CD40LG: variants seen among roughly 807,000 people sequenced by gnomAD.
CD40LG encodes CD40 ligand.
CD40LG carries 1 observed loss-of-function variant against 17.2 expected under a neutral mutation model. That is an observed-to-expected ratio of 0.06 (90% CI 0.02 to 0.28). The LOEUF is 0.28. CD40LG is among the 10% of genes least tolerant of loss of function. The probability of loss-of-function intolerance (pLI) is 1.00; values close to 1 mark genes in which losing one functional copy is unlikely to be tolerated. For synonymous variants in CD40LG, 66 were observed against 74.4 expected (o/e 0.89, Z 0.58); for missense variants, 133 against 193.2 (o/e 0.69, Z 1.85).
At chrX:136,648,528 T>G (rs2076095589) in intron 1 of CD40LG, 124 bp downstream of exon 1, 1 of 645,113 alleles carries the variant, frequency 1.6e-6, no homozygotes, top group Non-Finnish European at 2.5e-6. Context: ...GGCATAATGT[T>G]TGTTGCCTAG....
Position 136,659,463 on chromosome X carries a change from A to T in CD40LG, c.*48A>T. 1.7e-6 allele frequency: 2 copies of T among 1,176,943 alleles called. No individual in the cohort carries two copies. Among genetic ancestry groups the T allele is most frequent in the Non-Finnish European group, 2.3e-6 (2 of 871,363 alleles). ...GGTGGAGCTGACGCTGGGAGTCTTC[A>T]TAATACAGCACAGCGGTTAAGCCCA... On this transcript the variant is annotated 3_prime_UTR_variant, in exon 5 of 5. Transcript: ENST00000370629.
intron 3 of CD40LG, among the ~76,000 whole-genome samples, chrX:136,655,685 G>A (rs1030532407): frequency 1.8e-5 from 2 of 112,241 alleles, no homozygotes; most frequent in African/African-American, 6.5e-5. Flanking sequence ...ATAGTACCAC[G>A]CTGTCTGTTA....
chrX:136,656,999 A>G (rs959260663), intron 4 of CD40LG, among the ~76,000 whole-genome samples: 1 of 112,355 alleles, frequency 8.9e-6, no homozygotes, highest in African/African-American at 3.2e-5. Context: ...CCACCATTCT[A>G]GCCTTTAGAT....
chrX:136,652,260 C>CTTTGT (rs1482537681), intron 2 of CD40LG, among the ~76,000 whole-genome samples: 3 of 110,864 alleles, frequency 2.7e-5, no homozygotes, highest in Non-Finnish European at 5.7e-5. Flanking sequence ...CAAAGTCCTC[C>CTTTGT]AGCTACCCAA....
intron 4 of CD40LG, among the ~76,000 whole-genome samples, chrX:136,657,959 G>A (rs958075043): frequency 2.7e-5 from 3 of 111,492 alleles, no homozygotes; most frequent in Admixed American, 9.5e-5. Context: ...AGGTAAGGAC[G>A]TACCAAAGTA....
chrX:136,655,750 G>T (rs1445156038), intron 3 of CD40LG, among the ~76,000 whole-genome samples: 3 of 111,979 alleles, frequency 2.7e-5, no homozygotes, highest in African/African-American at 9.8e-5. Context: ...GAAGTCTTCA[G>T]GGAAATGATA....
intron 1 of CD40LG, among the ~76,000 whole-genome samples, chrX:136,648,891 A>C (rs1315998044): frequency 8.9e-6 from 1 of 112,248 alleles, no homozygotes; most frequent in Non-Finnish European, 1.9e-5. Context: ...CTAAAATTTC[A>C]TAATGCTTCA....
Position 136,659,690 on chromosome X carries a change from G to A in CD40LG, c.*275G>A. On this transcript the variant is annotated 3_prime_UTR_variant, in exon 5 of 5. Transcript: ENST00000370629. ...CCAGAGAGTCCTATGAAAAGACAAGGCCATTATGCACAGGTTGAATTCTGA... is the reference window on the plus strand; with the variant it reads ...CCAGAGAGTCCTATGAAAAGACAAGACCATTATGCACAGGTTGAATTCTGA... The A allele has an allele frequency of 5.5e-6, 2 of 366,912 alleles. No individual in the cohort carries two copies. The highest frequency in any genetic ancestry group is 9.4e-6 in the Non-Finnish European group (2 of 212,047). 30.2% of individuals were successfully genotyped at this position (366,912 alleles called of 1,213,427 possible).
intron 4 of CD40LG, among the ~76,000 whole-genome samples, chrX:136,656,851 A>C (rs2076120628): frequency 8.9e-6 from 1 of 111,982 alleles, no homozygotes; most frequent in Non-Finnish European, 1.9e-5. Context: ...ACTGAGGCCA[A>C]CCTCAGGGAA....
At chrX:136,655,684 C>T (rs938637700) in intron 3 of CD40LG, among the ~76,000 whole-genome samples, 13 of 112,312 alleles carry the variant, frequency 1.2e-4, no homozygotes, top group Admixed American at 8.5e-4. Context: ...AATAGTACCA[C>T]GCTGTCTGTT....
chrX:136,649,933 A>G (rs1420287879), intron 1 of CD40LG, among the ~76,000 whole-genome samples: 1 of 112,541 alleles, frequency 8.9e-6, no homozygotes. Context: ...ATAATGACCA[A>G]TCATTACTGA....
At chrX:136,657,956 G>A (rs1197044463) in intron 4 of CD40LG, among the ~76,000 whole-genome samples, 1 of 111,617 alleles carries the variant, frequency 9.0e-6, no homozygotes, top group Non-Finnish European at 1.9e-5. Flanking sequence ...ATTAGGTAAG[G>A]ACGTACCAAA....
chrX:136,656,453 AGGGGAAAGGCT>A, intron 4 of CD40LG, 35 bp downstream of exon 4: 1 of 1,124,024 alleles, frequency 8.9e-7, no homozygotes, highest in African/African-American at 1.8e-5. Context: ...TAGCCACCCA[AGGGGAAAGGCT>A]GGGATGCCGA....
intron 4 of CD40LG, among the ~76,000 whole-genome samples, chrX:136,658,639 G>A (rs139700282): frequency 0.012 from 1,359 of 111,599 alleles, 13 homozygotes; most frequent in Non-Finnish European, 0.021. Flanking sequence ...CAAAAATTTG[G>A]TCCGAGTAAT....
chrX:136,654,227 G>A (rs997869965), intron 2 of CD40LG, 146 bp from the exon 3 acceptor site: 1 of 516,898 alleles, frequency 1.9e-6, no homozygotes, highest in Non-Finnish European at 3.5e-6. Flanking sequence ...TGGCATGATG[G>A]AATTAATGAC....
intron 2 of CD40LG, among the ~76,000 whole-genome samples, chrX:136,652,751 T>C (rs1363948951): frequency 9.0e-6 from 1 of 111,619 alleles, no homozygotes; most frequent in Non-Finnish European, 1.9e-5. Context: ...ACACCTCTGC[T>C]AGATGTTCAG....
intron 1 of CD40LG, 146 bp from the exon 2 acceptor site, chrX:136,650,120 C>T: frequency 2.1e-6 from 1 of 473,593 alleles, no homozygotes; most frequent in Non-Finnish European, 3.8e-6. Flanking sequence ...AAATAGCAAT[C>T]AGCCAATATA....
Position 136,648,390 on chromosome X carries a change from A to G in CD40LG, c.142A>G (p.Arg48Gly). 2.5e-6 allele frequency: 3 copies of G among 1,209,497 alleles called. No homozygotes were observed. The highest frequency in any genetic ancestry group is 3.4e-6 in the Non-Finnish European group (3 of 893,275). Reference protein sequence around the residue: ...GSALFAVYLHRRLDKIEDERN... With the variant: ...GSALFAVYLHGRLDKIEDERN... ...AGCACTTTTTGCTGTGTATCTTCAT[A>G]GAAGGTTGGACAAGGTAAGATGAAC... is the stretch of plus-strand genomic sequence containing the variant. Residue 48 changes from arginine to glycine, a missense_variant, in exon 1 of 5, where the codon AGA (arginine) becomes GGA (glycine). Coordinates refer to ENST00000370629, the MANE Select transcript of CD40LG (RefSeq NM_000074.3).
In CD40LG at chrX:136,649,989, G is replaced by A. The variant is rs5930973; in HGVS notation, c.157-277G>A. On this transcript the variant is annotated intron_variant, in intron 1 of 4. Transcript: ENST00000370629. ...TTACAGAATATTGCTGCTATAGTAT[G>A]TTGAAAAAATATGCATTTTGTAGTG... 0.038 allele frequency among the ~76,000 whole-genome samples: 4,256 copies of A among 112,392 alleles called. 92 individuals carry two copies. The highest frequency in any genetic ancestry group is 0.063 in the Non-Finnish European group (3,357 of 53,169).
Sources: allele counts gnomAD v4.1 joint callset (sites outside exome capture counted in the v4.1 genomes callset), GRCh38; gene constraint gnomAD v4.1.1; transcripts MANE v1.5; gene names NCBI Gene and HGNC (gene_info 2026-07-23, HGNC 2026-07-21).